The following IL1RAPL1 variants were observed in gnomAD, a reference collection of about 807,000 sequenced individuals.
The protein encoded by IL1RAPL1 is interleukin-1 receptor accessory protein-like 1.
In IL1RAPL1, 3 loss-of-function variants were observed where a neutral mutation model predicts 48.4. That is an observed-to-expected ratio of 0.06 (90% CI 0.03 to 0.16). The LOEUF is 0.16. IL1RAPL1 is among the 10% of genes least tolerant of loss of function. The probability of loss-of-function intolerance (pLI) is 1.00; values close to 1 mark genes in which losing one functional copy is unlikely to be tolerated. For synonymous variants in IL1RAPL1, 185 were observed against 187.7 expected, an observed-to-expected ratio of 0.99 and a Z score of 0.12; for missense variants, 349 against 530.6, an observed-to-expected ratio of 0.66 and a Z score of 3.36.
intron 5 of IL1RAPL1, among the ~76,000 whole-genome samples, chrX:29,536,187 C>T (rs977250631): frequency 8.9e-6 from 1 of 111,851 alleles, no homozygotes; most frequent in African/African-American, 3.2e-5. Flanking sequence ...TTATGGTGTA[C>T]TACTAAGAAG....
At chrX:29,104,118 A>C (rs1043610442) in intron 2 of IL1RAPL1, among the ~76,000 whole-genome samples, 2 of 111,915 alleles carry the variant, frequency 1.8e-5, no homozygotes, top group Non-Finnish European at 3.8e-5. Flanking sequence ...AGCCCCCTGC[A>C]AGGTATATAC....
At chrX:29,069,040 A>G (rs1421788902) in intron 2 of IL1RAPL1, among the ~76,000 whole-genome samples, 2 of 112,181 alleles carry the variant, frequency 1.8e-5, no homozygotes, top group African/African-American at 6.5e-5. Flanking sequence ...CAGCGAATAC[A>G]GTTAGTCTTG....
chrX:28,613,895 A>G (rs1215033446), intron 1 of IL1RAPL1, among the ~76,000 whole-genome samples: 1 of 112,354 alleles, frequency 8.9e-6, no homozygotes, highest in Admixed American at 9.4e-5. Context: ...TTTCAACACA[A>G]GTTAAATATA....
intron 3 of IL1RAPL1, among the ~76,000 whole-genome samples, chrX:29,289,052 C>G (rs1264718542): frequency 1.8e-5 from 2 of 111,440 alleles, no homozygotes; most frequent in African/African-American, 6.5e-5. Flanking sequence ...CTTGTAGACT[C>G]TGGATATTAG....
intron 2 of IL1RAPL1, among the ~76,000 whole-genome samples, chrX:29,191,811 G>T (rs1194557436): frequency 1.8e-5 from 2 of 111,396 alleles, no homozygotes; most frequent in Non-Finnish European, 3.8e-5. Context: ...TACAGTCTCC[G>T]CCCTCATCCC....
intron 5 of IL1RAPL1, among the ~76,000 whole-genome samples, chrX:29,489,787 C>A (rs190644924): frequency 2.0e-4 from 22 of 111,777 alleles, no homozygotes; most frequent in Admixed American, 1.7e-3. Context: ...CAGATAGTTA[C>A]TAGTATAGGC....
intron 2 of IL1RAPL1, among the ~76,000 whole-genome samples, chrX:29,180,812 A>G (rs920096692): frequency 1.8e-5 from 2 of 111,870 alleles, no homozygotes; most frequent in African/African-American, 6.5e-5. Flanking sequence ...ATACTTTGCT[A>G]CATTGCTAAG....
intron 2 of IL1RAPL1, among the ~76,000 whole-genome samples, chrX:28,886,780 T>C (rs755155286): frequency 9.0e-6 from 1 of 110,743 alleles, no homozygotes; most frequent in Non-Finnish European, 1.9e-5. Context: ...TATACCAAGC[T>C]ATTATGATGT....
intron 2 of IL1RAPL1, among the ~76,000 whole-genome samples, chrX:28,872,888 C>T (rs963148478): frequency 1.5e-4 from 17 of 111,720 alleles, no homozygotes; most frequent in African/African-American, 4.9e-4. Flanking sequence ...ATATTATTGT[C>T]TATAAGCCCT....
intron 5 of IL1RAPL1, among the ~76,000 whole-genome samples, chrX:29,465,715 T>A (rs1934855067): frequency 9.0e-6 from 1 of 111,525 alleles, no homozygotes; most frequent in African/African-American, 3.3e-5. Context: ...TATTTCTTCT[T>A]TTAATTAGGT....
At chrX:29,310,135 G>GAAAAAAAAAAA (rs763228577) in intron 3 of IL1RAPL1, among the ~76,000 whole-genome samples, 1 of 41,155 alleles carries the variant, frequency 2.4e-5, no homozygotes, top group Non-Finnish European at 4.9e-5. Context: ...AAAAAGAAAG[G>GAAAAAAAAAAA]AAAAAAAAAA....
intron 1 of IL1RAPL1, among the ~76,000 whole-genome samples, chrX:28,608,777 A>T (rs1298566689): frequency 8.9e-6 from 1 of 112,346 alleles, no homozygotes; most frequent in African/African-American, 3.2e-5. Flanking sequence ...ATTTTAAAAT[A>T]ACATTTTACT....
At chrX:28,692,218 G>A (rs1336868373) in intron 1 of IL1RAPL1, among the ~76,000 whole-genome samples, 1 of 111,381 alleles carries the variant, frequency 9.0e-6, no homozygotes, top group Non-Finnish European at 1.9e-5. Flanking sequence ...CCCCCATGAC[G>A]GAAACAAACA....
intron 5 of IL1RAPL1, among the ~76,000 whole-genome samples, chrX:29,526,080 AAAG>A (rs1257160831): frequency 8.9e-6 from 1 of 112,162 alleles, no homozygotes; most frequent in African/African-American, 3.2e-5. Context: ...AGGTAAAAGA[AAAG>A]AAGATAAAAT....
At chrX:29,590,935 C>G (rs1461414342) in intron 5 of IL1RAPL1, among the ~76,000 whole-genome samples, 1 of 112,187 alleles carries the variant, frequency 8.9e-6, no homozygotes, top group Non-Finnish European at 1.9e-5. Context: ...AGCCATAAAC[C>G]AAAATAAAGT....
At chrX:29,529,550 C>T (rs1366381689) in intron 5 of IL1RAPL1, among the ~76,000 whole-genome samples, 1 of 104,994 alleles carries the variant, frequency 9.5e-6, no homozygotes, top group African/African-American at 3.5e-5. Context: ...TGCAGTGAGC[C>T]GAGATCGTGC....
intron 5 of IL1RAPL1, among the ~76,000 whole-genome samples, chrX:29,550,941 A>G (rs1921796366): frequency 8.9e-6 from 1 of 112,088 alleles, no homozygotes; most frequent in Admixed American, 9.4e-5. Context: ...TCAAAACTGA[A>G]ACTCTGCACC....
intron 2 of IL1RAPL1, among the ~76,000 whole-genome samples, chrX:29,129,412 A>G (rs888107686): frequency 9.0e-6 from 1 of 110,817 alleles, no homozygotes; most frequent in Non-Finnish European, 1.9e-5. Context: ...GATAGCAACC[A>G]TAAATGCTTA....
intron 2 of IL1RAPL1, among the ~76,000 whole-genome samples, chrX:28,999,251 A>C (rs1011739937): frequency 9.0e-6 from 1 of 111,644 alleles, no homozygotes; most frequent in African/African-American, 3.3e-5. Flanking sequence ...CACACACAGA[A>C]TGTATCTATA....
Sources: allele counts gnomAD v4.1 joint callset (sites outside exome capture counted in the v4.1 genomes callset), GRCh38; gene constraint gnomAD v4.1.1; transcripts MANE v1.5; gene names NCBI Gene and HGNC (gene_info 2026-07-23, HGNC 2026-07-21).